MACF1: variants seen among roughly 807,000 people sequenced by gnomAD.
MACF1 encodes microtubule actin crosslinking factor 1, also known as microtubule-actin cross-linking factor 1.
In MACF1, 193 loss-of-function variants were observed where a neutral mutation model predicts 854.8. That is an observed-to-expected ratio of 0.23 (90% CI 0.20 to 0.25). The LOEUF is 0.25. MACF1 is among the 10% of genes least tolerant of loss of function. The probability of loss-of-function intolerance (pLI) is 1.00; values close to 1 mark genes in which losing one functional copy is unlikely to be tolerated. For synonymous variants in MACF1, 3,185 were observed against 3,226.7 expected, an observed-to-expected ratio of 0.99 and a Z score of 0.44; for missense variants, 7,722 against 8,929.1, an observed-to-expected ratio of 0.86 and a Z score of 5.45.
At chr1:39,352,970 TA>T in intron 43 of MACF1, 36 bp from the exon 44 acceptor site, 1 of 1,489,304 alleles carries the variant, frequency 6.7e-7, no homozygotes, top group Non-Finnish European at 9.4e-7. Flanking sequence ...ATTGAGTATG[TA>T]AAGCCTTCTC....
At chr1:39,403,061 G>C (rs1001590381) in intron 58 of MACF1, among the ~76,000 whole-genome samples, 1 of 143,928 alleles carries the variant, frequency 6.9e-6, no homozygotes, top group East Asian at 2.0e-4. Flanking sequence ...TGTTTGGTTT[G>C]GTTTTTTTTT....
In MACF1 at chr1:39,442,926, C is replaced by A. The variant is rs766140286; in HGVS notation, c.19302+15C>A. On this transcript the variant is annotated intron_variant, in intron 78 of 100. Transcript: ENST00000564288. ...CTCTGCAGCAGGTACATGTGACATC[C>A]AAGTAAGGTAGGAAGAGCTATACAG... The A allele has an allele frequency of 8.1e-6, 13 of 1,609,782 alleles. No individual in the cohort carries two copies. Among genetic ancestry groups the A allele is most frequent in the Admixed American group, 3.4e-5 (2 of 59,464 alleles).
At chr1:39,273,116 T>C (rs1376759576) in intron 6 of MACF1, among the ~76,000 whole-genome samples, 1 of 151,376 alleles carries the variant, frequency 6.6e-6, no homozygotes, top group East Asian at 1.9e-4. Context: ...TAATGAAGCA[T>C]TTACCTCTAT....
At chr1:39,233,101 C>T (rs544998862) in intron 2 of MACF1, among the ~76,000 whole-genome samples, 151 of 152,204 alleles carry the variant, frequency 9.9e-4, no homozygotes, top group African/African-American at 3.5e-3. Context: ...GTGGCACGAT[C>T]TCGGCTCACT....
At chr1:39,278,201 G>T (rs1447606269) in intron 6 of MACF1, among the ~76,000 whole-genome samples, 2 of 152,184 alleles carry the variant, frequency 1.3e-5, no homozygotes, top group African/African-American at 4.8e-5. Flanking sequence ...AAAAGCTTCT[G>T]CATAGCCCAG....
Position 39,233,794 on chromosome 1 carries a change from T to A in MACF1, c.171+2551T>A, listed in dbSNP as rs538677302. 3.8e-3 allele frequency among the ~76,000 whole-genome samples: 353 copies of A among 92,076 alleles called. 5 individuals are homozygous for A. Among genetic ancestry groups the A allele is most frequent in the African/African-American group, 9.4e-3 (305 of 32,276 alleles). The allele number at this position is 92,076 out of a possible 152,430, so 60.4% of individuals were successfully genotyped here. The stretch of plus-strand genomic sequence containing the variant: ...CCATAGCTTTTTTTTTTTTTTTTTT[T>A]TTTATTTATTTTTTATTGATAATTC... On this transcript the variant is annotated intron_variant, in intron 2 of 100. Transcript: ENST00000564288.
chr1:39,378,413 C>G (rs747602218), intron 52 of MACF1, 48 bp from the exon 53 acceptor site: 3 of 1,415,084 alleles, frequency 2.1e-6, no homozygotes, highest in Non-Finnish European at 3.0e-6. Flanking sequence ...TATATGTATT[C>G]CTAACACGTT....
chr1:39,401,415 A>ATT (rs1416171619), intron 58 of MACF1, among the ~76,000 whole-genome samples: 6 of 152,202 alleles, frequency 3.9e-5, no homozygotes, highest in Admixed American at 6.5e-5. Flanking sequence ...ATCTTTAGGA[A>ATT]AGACATCTCT....
chr1:39,157,926 T>TTC (rs1483286311), intron 2 of MACF1, among the ~76,000 whole-genome samples: 1 of 152,210 alleles, frequency 6.6e-6, no homozygotes, highest in Non-Finnish European at 1.5e-5. Context: ...CAGGCTGGAC[T>TTC]TCTGTCTGTT....
chr1:39,472,267 G>A (rs1428567237), intron 97 of MACF1, among the ~76,000 whole-genome samples: 1 of 152,118 alleles, frequency 6.6e-6, no homozygotes, highest in Non-Finnish European at 1.5e-5. Context: ...AATATTAAGA[G>A]TACCTTTACT....
At position 39,458,506 on chromosome 1, in the gene MACF1, CCT is replaced by C. The variant is rs1450573345; in HGVS notation, c.21196+17_21196+18del. ...AGCGGAGGCAGTATGTTTCCAGCCC[CCT>C]GTGTTAGGATGCTTCATTCCTGCTA... is the stretch of plus-strand genomic sequence containing the variant. On this transcript the variant is annotated intron_variant, in intron 90 of 100. Transcript: ENST00000564288. 6 of 1,609,298 alleles carry C rather than the reference CCT, an allele frequency of 3.7e-6. No individual in the cohort carries two copies. Among genetic ancestry groups the C allele is most frequent in the Non-Finnish European group, 5.1e-6 (6 of 1,177,802 alleles).
chr1:39,428,778 G>A (rs1222241517), intron 63 of MACF1, among the ~76,000 whole-genome samples: 1 of 152,160 alleles, frequency 6.6e-6, no homozygotes, highest in Non-Finnish European at 1.5e-5. Flanking sequence ...CTGTTTGGGA[G>A]AGTAAAAATA....
rs1469639130 is a variant in MACF1 at position 39,333,614 on chromosome 1, G to A, written c.7026G>A (p.Glu2342=). The part of the protein sequence containing the change: ...FQGFFDSQTC[E]SLTTEEVINE... ...GGTTCTTTGACTCTCAGACTTGTGA[G>A]TCTTTGACAACTGAAGAAGTCATTA... The change falls in exon 37 of 101, where the codon GAG becomes GAA. Residue 2342 remains glutamate (E), a synonymous_variant. Coordinates refer to ENST00000564288, the MANE Select transcript of MACF1 (RefSeq NM_001394062.1). 1.9e-6 allele frequency: 3 copies of A among 1,614,104 alleles called. No homozygotes were observed. Among genetic ancestry groups the A allele is most frequent in the Admixed American group, 1.7e-5 (1 of 60,006 alleles).
intron 6 of MACF1, among the ~76,000 whole-genome samples, chr1:39,270,109 A>T (rs1645288117): frequency 6.6e-6 from 1 of 152,220 alleles, no homozygotes; most frequent in Non-Finnish European, 1.5e-5. Context: ...CTCTGGAATG[A>T]ATCTCTGGAA....
intron 2 of MACF1, among the ~76,000 whole-genome samples, chr1:39,174,974 C>T (rs560203241): frequency 3.9e-5 from 6 of 152,288 alleles, no homozygotes; most frequent in Admixed American, 2.6e-4. Context: ...AGTCTCTGGG[C>T]TGTTTGTTTT....
intron 2 of MACF1, among the ~76,000 whole-genome samples, chr1:39,098,713 A>C (rs1641994346): frequency 6.6e-6 from 1 of 152,226 alleles, no homozygotes; most frequent in African/African-American, 2.4e-5. Flanking sequence ...CAGATGGCTG[A>C]GTAACCATTT....
intron 2 of MACF1, among the ~76,000 whole-genome samples, chr1:39,240,984 A>G (rs1302885933): frequency 6.6e-6 from 1 of 151,592 alleles, no homozygotes; most frequent in African/African-American, 2.4e-5. Context: ...CCCAGCTGCT[A>G]CTTTTATTCC....
intron 89 of MACF1, chr1:39,456,754 G>A (rs61779306): frequency 0.16 from 23,906 of 152,136 alleles, 2,354 homozygotes; most frequent in Middle Eastern, 0.22. Flanking sequence ...TTTCAGCTAC[G>A]CTTCTTGTTC....
chr1:39,335,473 T>C lies in MACF1; in HGVS notation c.8885T>C (p.Val2962Ala). 6.2e-7 allele frequency: 1 copy of C among 1,614,070 alleles called. No individual in the cohort carries two copies. The highest frequency in any genetic ancestry group is 8.5e-7 in the Non-Finnish European group (1 of 1,179,994). ...TCAGGCAAATTGCCGAGTGAGCAGGTTTTGCAGCAACCAATGAATGCTCGG... is the reference window on the plus strand; with the variant it reads ...TCAGGCAAATTGCCGAGTGAGCAGGCTTTGCAGCAACCAATGAATGCTCGG... Reference protein sequence around the residue: ...ETSGKLPSEQVLQQPMNARVK... With the variant: ...ETSGKLPSEQALQQPMNARVK... The change falls in exon 37 of 101, where the codon GTT (valine) becomes GCT (alanine). Residue 2962 changes from valine (V) to alanine (A), a missense_variant. This residue lies in a region of MACF1 where 854 missense variants were observed against 852.6 expected (regional missense o/e 1.00). Coordinates refer to ENST00000564288, the MANE Select transcript of MACF1 (RefSeq NM_001394062.1).
Sources: gnomAD v4.1 joint callset for allele counts (sites outside exome capture counted in the v4.1 genomes callset) on GRCh38, gnomAD v4.1.1 for gene constraint, gnomAD v4.1.1 regional missense constraint, MANE v1.5 for transcripts, NCBI Gene and HGNC (gene_info 2026-07-23, HGNC 2026-07-21) for gene names.